The following MMAA variants were observed in gnomAD, a reference collection of about 807,000 sequenced individuals.
MMAA encodes the protein methylmalonic aciduria type A protein, mitochondrial.
MMAA carries 41 observed loss-of-function variants against 45.0 expected under a neutral mutation model. The observed-to-expected ratio is 0.91, with a 90% CI of 0.71 to 1.18. The LOEUF is 1.18. Among genes scored for constraint, MMAA ranks in the 50% most tolerant of loss-of-function variants. The pLI is 0.00. For synonymous variants in MMAA, 154 were observed against 178.2 expected, an observed-to-expected ratio of 0.86 and a Z score of 1.08; for missense variants, 460 against 495.7, an observed-to-expected ratio of 0.93 and a Z score of 0.68.
intron 1 of MMAA, chr4:145,625,143 G>C: frequency 3.9e-6 from 5 of 1,266,520 alleles, no homozygotes; most frequent in Non-Finnish European, 5.8e-6. Flanking sequence ...CGATCAGGAA[G>C]CTCTAGATCT....
intron 1 of MMAA, among the ~76,000 whole-genome samples, chr4:145,621,383 T>A (rs1301468519): frequency 6.6e-6 from 1 of 152,154 alleles, no homozygotes; most frequent in African/African-American, 2.4e-5. Context: ...AATTGGGAAA[T>A]CTGAATCTTA....
intron 5 of MMAA, among the ~76,000 whole-genome samples, chr4:145,652,668 T>G (rs1322882853): frequency 5.3e-5 from 8 of 151,816 alleles, no homozygotes; most frequent in African/African-American, 1.9e-4. Flanking sequence ...AGGCAGAGTT[T>G]GCAGTGAGCC....
chr4:145,629,813 A>T (rs1301913130), intron 1 of MMAA, among the ~76,000 whole-genome samples: 1 of 152,052 alleles, frequency 6.6e-6, no homozygotes, highest in African/African-American at 2.4e-5. Flanking sequence ...ATCTTGTGAG[A>T]CTCATTCACT....
At chr4:145,626,140 G>A (rs1277087833) in intron 1 of MMAA, 4 of 502,864 alleles carry the variant, frequency 8.0e-6, no homozygotes, top group East Asian at 3.0e-5. Flanking sequence ...AAGCTGATTC[G>A]ATTATTGATC....
At chr4:145,645,926 TG>T in intron 3 of MMAA, 59 bp from the exon 4 acceptor site, 1 of 1,550,778 alleles carries the variant, frequency 6.4e-7, no homozygotes, top group Non-Finnish European at 8.9e-7. Context: ...CTCTAGGAAC[TG>T]GCTGATAATT....
At chr4:145,631,352 A>G (rs888469780) in intron 1 of MMAA, among the ~76,000 whole-genome samples, 1 of 152,198 alleles carries the variant, frequency 6.6e-6, no homozygotes, top group African/African-American at 2.4e-5. Flanking sequence ...TAGATTTAAA[A>G]TTGTTATATC....
chr4:145,648,102 G>A (rs934589080), intron 4 of MMAA, among the ~76,000 whole-genome samples: 4 of 145,996 alleles, frequency 2.7e-5, no homozygotes, highest in South Asian at 2.2e-4. Flanking sequence ...CTTGTGATCC[G>A]CCTGCCTCAG....
In MMAA at chr4:145,646,008, C is replaced by T. The variant is rs571797666; in HGVS notation, c.585C>T (p.Thr195=). Residue 195 remains threonine, a synonymous_variant, in exon 4 of 7, where the codon ACC becomes ACT. Transcript: ENST00000649156. ...TAGGATCACTCTTAGGTGATAAAAC[C>T]CGAATGACTGAGTTATCAAGAGATA... is the stretch of plus-strand genomic sequence containing the variant. The part of the protein sequence containing the change: ...TSGGSLLGDK[T]RMTELSRDMN... 11 of 1,613,832 alleles carry T rather than the reference C, an allele frequency of 6.8e-6. No homozygotes were observed. In the South Asian group the frequency reaches 1.1e-4, roughly 16 times the overall value.
At chr4:145,636,300 C>G (rs1225597367) in intron 1 of MMAA, among the ~76,000 whole-genome samples, 3 of 152,176 alleles carry the variant, frequency 2.0e-5, no homozygotes, top group Admixed American at 2.0e-4. Flanking sequence ...TTGCCTCAGT[C>G]TAGGTCCTCA....
chr4:145,639,960 G>A (rs1338376765), intron 2 of MMAA: 9 of 524,244 alleles, frequency 1.7e-5, no homozygotes, highest in South Asian at 8.3e-5. Flanking sequence ...TAATTATCAC[G>A]TTTGAAAATT....
intron 1 of MMAA, chr4:145,626,057 C>T: frequency 9.4e-7 from 1 of 1,060,376 alleles, no homozygotes; most frequent in Non-Finnish European, 1.4e-6. Context: ...CTCCAGGTCC[C>T]AGTGCCTCTC....
chr4:145,645,080 A>G (rs965687710), intron 3 of MMAA, among the ~76,000 whole-genome samples: 6 of 152,232 alleles, frequency 3.9e-5, no homozygotes, highest in African/African-American at 1.4e-4. Flanking sequence ...TTTTCTAAGT[A>G]GTAGGCGATT....
chr4:145,624,403 AG>A (rs928383012), intron 1 of MMAA: 2 of 781,792 alleles, frequency 2.6e-6, no homozygotes, highest in Non-Finnish European at 4.6e-6. Flanking sequence ...GCTGTGTTAA[AG>A]GAACACCAGG....
In MMAA at chr4:145,626,124, G is replaced by T. The variant is rs1176555958; in HGVS notation, c.-66+6717G>T. 4 of 529,666 alleles carry T rather than the reference G, an allele frequency of 7.6e-6. No homozygotes were observed. The Admixed American group carries it at 9.9e-5, about 13-fold the overall frequency. The allele number at this position is 529,666 out of a possible 1,614,324, so 32.8% of individuals were successfully genotyped here. A position where few individuals can be genotyped will look rare whatever the true frequency, so the allele number is the denominator to read the frequency against. ...GAGACACGGCCCCACACAAACCTAG[G>T]GCCCAAAGCTGATTCGATTATTGAT... is the stretch of plus-strand genomic sequence containing the variant. On this transcript the variant is annotated intron_variant, in intron 1 of 6. Transcript: ENST00000649156.
Position 145,655,414 on chromosome 4 carries a change from G to C in MMAA, c.1237G>C (p.Ala413Pro). The change falls in exon 7 of 7, where the codon GCT (alanine) becomes CCT (proline). Residue 413 changes from alanine (A) to proline (P), a missense_variant. By Grantham distance (27) the Ala-to-Pro change is conservative. Transcript: ENST00000649156. ...ACTAGCAGCAGACTTCTTGTTAAAAGCTTTTAAAAGCAGAGACTAATAAAA... is the reference window on the plus strand; with the variant it reads ...ACTAGCAGCAGACTTCTTGTTAAAACCTTTTAAAAGCAGAGACTAATAAAA... The part of the protein sequence containing the change: ...PGLAADFLLK[A>P]FKSRD The C allele has an allele frequency of 6.2e-7, 1 of 1,611,466 alleles. No individual in the cohort carries two copies. The highest frequency in any genetic ancestry group is 8.5e-7 in the Non-Finnish European group (1 of 1,179,216).
At chr4:145,627,810 A>G (rs1734235385) in intron 1 of MMAA, among the ~76,000 whole-genome samples, 1 of 152,156 alleles carries the variant, frequency 6.6e-6, no homozygotes, top group Admixed American at 6.5e-5. Flanking sequence ...TAAAAAATCT[A>G]CCATGCTCAA....
intron 1 of MMAA, among the ~76,000 whole-genome samples, chr4:145,629,005 CAT>C (rs1474274093): frequency 7.9e-5 from 12 of 152,112 alleles, no homozygotes; most frequent in Non-Finnish European, 1.5e-4. Flanking sequence ...ATTTAAATGA[CAT>C]ATAAACATCG....
In MMAA at chr4:145,657,427, A is replaced by G. The variant is rs1285352059; in HGVS notation, c.*1993A>G. On this transcript the variant is annotated 3_prime_UTR_variant, in exon 7 of 7. Coordinates refer to ENST00000649156, the MANE Select transcript of MMAA (RefSeq NM_172250.3). ...ATTCCCTCTCCCCATCTGTGATTAT[A>G]TTGTACTGGACTTCTGACTTGGTCA... The G allele has an allele frequency of 1.3e-5, 2 of 152,020 alleles. No homozygotes were observed. Among genetic ancestry groups the G allele is most frequent in the Admixed American group, 6.5e-5 (1 of 15,280 alleles). 9.4% of individuals were successfully genotyped at this position (152,020 alleles called of 1,614,324 possible). A position where few individuals can be genotyped will look rare whatever the true frequency, so the allele number is the denominator to read the frequency against.
intron 3 of MMAA, among the ~76,000 whole-genome samples, chr4:145,643,982 G>A (rs1727862037): frequency 1.3e-5 from 2 of 152,046 alleles, no homozygotes; most frequent in African/African-American, 4.8e-5. Context: ...AAAATACAAG[G>A]ATAGACAAAA....
Sources: allele counts gnomAD v4.1 joint callset (sites outside exome capture counted in the v4.1 genomes callset), GRCh38; gene constraint gnomAD v4.1.1; transcripts MANE v1.5; gene names NCBI Gene and HGNC (gene_info 2026-07-23, HGNC 2026-07-21).